The following GRHL1 variants were observed in gnomAD, a reference collection of about 807,000 sequenced individuals.
The protein encoded by GRHL1 is grainyhead-like protein 1 homolog.
In GRHL1, 38 loss-of-function variants were observed where a neutral mutation model predicts 75.7. That is an observed-to-expected ratio of 0.50 (90% CI 0.39 to 0.66). GRHL1 has a LOEUF of 0.66. Among genes scored for constraint, GRHL1 ranks in the 30% least tolerant of loss-of-function variants. The pLI is 0.00. For missense variants in GRHL1, 589 were observed against 767.5 expected, an observed-to-expected ratio of 0.77 and a Z score of 2.75; for synonymous variants, 266 against 279.4, an observed-to-expected ratio of 0.95 and a Z score of 0.48.
rs28444564 is a variant in GRHL1 at position 9,992,836 on chromosome 2, G to C, written c.1462-371G>C. ...AATGGGAAGCTGGAGGTGAGCAGGG[G>C]TTAGCACACTGTTTTTGTGAAGGGC... On this transcript the variant is annotated intron_variant, in intron 11 of 15. Transcript: ENST00000324907. This position sits in a 1 kb window ranked among gnomAD's most constrained non-coding sequence, Gnocchi z 4.6. Among the ~76,000 whole-genome samples, 29,870 of 152,128 alleles carry C rather than the reference G, an allele frequency of 0.2. 3,324 individuals carry two copies. Among genetic ancestry groups the C allele is most frequent in the Admixed American group, 0.29 (4,456 of 15,282 alleles).
Position 9,965,631 on chromosome 2 carries a change from C to T in GRHL1, c.1110+250C>T, listed in dbSNP as rs549269164. The T allele has an allele frequency of 9.8e-5, 45 of 460,910 alleles. No individual in the cohort carries two copies. The South Asian group carries it at 1.8e-3, about 18-fold the overall frequency. 28.6% of individuals were successfully genotyped at this position (460,910 alleles called of 1,614,324 possible). A position where few individuals can be genotyped will look rare whatever the true frequency, so the allele number is the denominator to read the frequency against. On this transcript the variant is annotated intron_variant, in intron 8 of 15. Transcript: ENST00000324907. ...CACTCTGCCACTCCTGCCTGTTCAG[C>T]CTTGAGTCTGACTCCTCATTTGCTT...
chr2:9,973,219 G>T (rs1052511146), intron 8 of GRHL1, among the ~76,000 whole-genome samples: 1 of 152,138 alleles, frequency 6.6e-6, no homozygotes, highest in African/African-American at 2.4e-5. Flanking sequence ...GGAGAGGCTG[G>T]TCTCCTCCCA....
intron 8 of GRHL1, among the ~76,000 whole-genome samples, chr2:9,977,676 T>G (rs1668004841): frequency 6.6e-6 from 1 of 152,178 alleles, no homozygotes; most frequent in South Asian, 2.1e-4. Context: ...CCTAGGGAAC[T>G]TACTAACTGC....
intron 12 of GRHL1, chr2:9,995,260 C>T (rs1668807855): frequency 6.6e-6 from 1 of 152,190 alleles, no homozygotes; most frequent in Admixed American, 6.5e-5. Flanking sequence ...ACAAGGTTAT[C>T]TCAGATCCTG....
chr2:9,976,599 G>T (rs978549786), intron 8 of GRHL1, among the ~76,000 whole-genome samples: 3 of 152,198 alleles, frequency 2.0e-5, no homozygotes, highest in Admixed American at 6.5e-5. Flanking sequence ...TTTTTAGTCA[G>T]AAGCGTATCC....
At position 10,001,799 on chromosome 2, in the gene GRHL1, A is replaced by G. The variant is rs1669278541; in HGVS notation, c.*1092A>G. On this transcript the variant is annotated 3_prime_UTR_variant, in exon 16 of 16. Transcript: ENST00000324907. Reference sequence around the variant, plus strand: ...TAATTACAGCACACAGATTGCAAGTATTGCGTACCAAGTGATACAACTCGA... The same window carrying G: ...TAATTACAGCACACAGATTGCAAGTGTTGCGTACCAAGTGATACAACTCGA... The G allele has an allele frequency of 1.3e-5, 2 of 152,332 alleles. No individual in the cohort carries two copies. The highest frequency in any genetic ancestry group is 4.1e-4 in the South Asian group (2 of 4,832). The allele number at this position is 152,332 out of a possible 1,614,324, so 9.4% of individuals were successfully genotyped here. A position where few individuals can be genotyped will look rare whatever the true frequency, so the allele number is the denominator to read the frequency against.
rs1669242276 is a variant in GRHL1, at chr2:10,000,922, T to C, written c.*215T>C. 3 of 406,628 alleles carry C rather than the reference T, an allele frequency of 7.4e-6. No individual in the cohort carries two copies. The highest frequency in any genetic ancestry group is 4.3e-5 in the Admixed American group (1 of 23,018). The allele number at this position is 406,628 out of a possible 1,614,324, so 25.2% of individuals were successfully genotyped here. On this transcript the variant is annotated 3_prime_UTR_variant, in exon 16 of 16. Coordinates refer to ENST00000324907, the MANE Select transcript of GRHL1 (RefSeq NM_198182.3). Reference sequence around the variant, plus strand: ...TTTTCAGATGAAAGAGAAATCCATATACCATTATGTTTGAATTTCCTGATA... The same window carrying C: ...TTTTCAGATGAAAGAGAAATCCATACACCATTATGTTTGAATTTCCTGATA...
intron 9 of GRHL1, among the ~76,000 whole-genome samples, chr2:9,989,983 C>T (rs1549754): frequency 0.24 from 36,048 of 151,880 alleles, 4,508 homozygotes; most frequent in Admixed American, 0.34. Flanking sequence ...ATAACCTTGG[C>T]CATATAGGAG....
rs554089276 is a variant in GRHL1, at chr2:9,999,044, C to G, written c.1742+15C>G. 6.8e-7 allele frequency: 1 copy of G among 1,480,034 alleles called. No individual in the cohort carries two copies. The highest frequency in any genetic ancestry group is 1.2e-5 in the South Asian group (1 of 82,682). The allele number at this position is 1,480,034 out of a possible 1,614,324, so 91.7% of individuals were successfully genotyped here. ...TGTAAAAAGGGGTAAGCAGCCACTG[C>G]GTCCTGTGTACCTCGGAAAGTGCTG... On this transcript the variant is annotated intron_variant, in intron 15 of 15. Transcript: ENST00000324907.
At chr2:9,979,381 C>T (rs1668102537) in intron 8 of GRHL1, among the ~76,000 whole-genome samples, 1 of 151,782 alleles carries the variant, frequency 6.6e-6, no homozygotes, top group African/African-American at 2.4e-5. Context: ...ACTACAGGTG[C>T]ACACCACCAT....
rs150573661 is a variant in GRHL1 at position 9,999,221 on chromosome 2, A to G, written c.1742+192A>G. ...CACGTGTGCATCGTGCCCAGTCCAG[A>G]AGCAGCCAAAGAAACCTGGGTGCTG... On this transcript the variant is annotated intron_variant, in intron 15 of 15. Coordinates refer to ENST00000324907, the MANE Select transcript of GRHL1 (RefSeq NM_198182.3). 1.5e-4 allele frequency among the ~76,000 whole-genome samples: 23 copies of G among 152,296 alleles called. No individual in the cohort carries two copies. The East Asian group carries it at 3.5e-3, about 23-fold the overall frequency.
Position 9,996,394 on chromosome 2 carries a change from T to A in GRHL1, c.1670T>A (p.Met557Lys). The change falls in exon 14 of 16, where the codon ATG becomes AAG. Residue 557 changes from methionine to lysine, a missense_variant. Transcript: ENST00000324907. ...AAAACCCCATCTTTGAAGGGCTTGA[T>A]GGAAGCTGTAAGTAGGATCAACTCT... ...MLKTPSLKGL[M>K]EAISDKYDVP... is the part of the protein sequence containing the mutation. The A allele has an allele frequency of 6.2e-7, 1 of 1,601,052 alleles. No homozygotes were observed. The highest frequency in any genetic ancestry group is 8.6e-7 in the Non-Finnish European group (1 of 1,168,002).
chr2:9,998,399 A>C, intron 14 of GRHL1, among the ~76,000 whole-genome samples: 1 of 144,432 alleles, frequency 6.9e-6, no homozygotes, highest in Non-Finnish European at 1.5e-5. Context: ...GCGTTTTTGA[A>C]AAACAAAAAG....
intron 8 of GRHL1, among the ~76,000 whole-genome samples, chr2:9,984,452 A>T (rs1448938644): frequency 2.6e-5 from 4 of 152,264 alleles, no homozygotes; most frequent in Non-Finnish European, 4.4e-5. Context: ...AAACATTTTT[A>T]AAATCCACAG....
chr2:9,997,139 T>A (rs577277605), intron 14 of GRHL1, among the ~76,000 whole-genome samples: 1 of 152,322 alleles, frequency 6.6e-6, no homozygotes, highest in Admixed American at 6.5e-5. Flanking sequence ...GTGTGTTGAA[T>A]TCATTTAACA....
intron 9 of GRHL1, among the ~76,000 whole-genome samples, chr2:9,989,706 G>A (rs890359458): frequency 4.6e-5 from 7 of 151,956 alleles, no homozygotes; most frequent in African/African-American, 9.7e-5. Context: ...GCATCACCAC[G>A]CCCGGCTAAA....
At chr2:9,974,415 C>CT (rs1667859603) in intron 8 of GRHL1, among the ~76,000 whole-genome samples, 1 of 152,184 alleles carries the variant, frequency 6.6e-6, no homozygotes, top group African/African-American at 2.4e-5. Flanking sequence ...ACCTACATTA[C>CT]TTTTTTCTTT....
At chr2:9,982,787 A>G (rs1311015578) in intron 8 of GRHL1, among the ~76,000 whole-genome samples, 1 of 152,246 alleles carries the variant, frequency 6.6e-6, no homozygotes, top group Non-Finnish European at 1.5e-5. Flanking sequence ...CTTACTTGGT[A>G]TTTTTAAACT....
chr2:9,995,586 C>CA (rs368168163), intron 12 of GRHL1, among the ~76,000 whole-genome samples: 27,455 of 107,580 alleles, frequency 0.26, 2,855 homozygotes, highest in Admixed American at 0.36. Flanking sequence ...CCCTGTCTCA[C>CA]AAAAAAAAAA....
Sources: allele counts gnomAD v4.1 joint callset (sites outside exome capture counted in the v4.1 genomes callset), GRCh38; gene constraint gnomAD v4.1.1; non-coding constraint Gnocchi (gnomAD v3.1); transcripts MANE v1.5; gene names NCBI Gene and HGNC (gene_info 2026-07-23, HGNC 2026-07-21).